PRPF6: variants seen among roughly 807,000 people sequenced by gnomAD.
PRPF6 encodes the protein pre-mRNA processing factor 6.
A neutral mutation model predicts 118.3 loss-of-function variants in PRPF6; 42 were observed. The ratio of observed to expected loss-of-function variants is 0.35; its 90% CI spans 0.28 to 0.46. PRPF6 has a LOEUF of 0.46. PRPF6 is among the 20% of genes least tolerant of loss of function. PRPF6 has a pLI of 1.00. For missense variants in PRPF6, 662 were observed against 1,255.7 expected (o/e 0.53, Z 7.15); for synonymous variants, 481 against 485.1 (o/e 0.99, Z 0.11).
rs927372796 is a variant in PRPF6 at position 64,027,357 on chromosome 20, A to G, written c.2205+199A>G. Among the ~76,000 whole-genome samples the G allele has an allele frequency of 1.3e-5, 2 of 152,144 alleles. No homozygotes were observed. Among genetic ancestry groups the G allele is most frequent in the South Asian group, 2.1e-4 (1 of 4,838 alleles). On this transcript the variant is annotated intron_variant, in intron 16 of 20. Coordinates refer to ENST00000266079, the MANE Select transcript of PRPF6 (RefSeq NM_012469.4). This position sits in a 1 kb window ranked among gnomAD's most constrained non-coding sequence, Gnocchi z 6.5. ...CTTTTCCTTATATGAAGCTGCACAC[A>G]CTGCTCAGAAGTGCAGAGTGTGGCA...
At chr20:63,990,453 G>A (rs1277159387) in intron 3 of PRPF6, among the ~76,000 whole-genome samples, 2 of 151,544 alleles carry the variant, frequency 1.3e-5, no homozygotes, top group Non-Finnish European at 2.9e-5. Context: ...GTAATTAAAC[G>A]TGAATGGCAT....
intron 12 of PRPF6, among the ~76,000 whole-genome samples, chr20:64,018,878 G>C (rs574508744): frequency 2.6e-5 from 4 of 152,190 alleles, no homozygotes; most frequent in Admixed American, 2.6e-4. Flanking sequence ...CTTCCATCTG[G>C]ATTGGTCAAT....
rs571188370 is a variant in PRPF6 at position 64,029,174 on chromosome 20, G to T, written c.2432-203G>T. The stretch of plus-strand genomic sequence containing the variant: ...AGAGTGAGACTCTGCAGGGTGTCCA[G>T]TCTGTGCCCTCAGGGCTGCCATGGT... On this transcript the variant is annotated intron_variant, in intron 18 of 20. Coordinates refer to ENST00000266079, the MANE Select transcript of PRPF6 (RefSeq NM_012469.4). The surrounding 1 kb of genome is among the most constrained non-coding windows in gnomAD (Gnocchi z 4.8). Among the ~76,000 whole-genome samples, 1 of 152,308 alleles carries T rather than the reference G, an allele frequency of 6.6e-6. No individual in the cohort carries two copies. The highest frequency in any genetic ancestry group is 1.9e-4 in the East Asian group (1 of 5,168).
At position 64,026,323 on chromosome 20, in the gene PRPF6, A is replaced by G. The variant is rs567815251; in HGVS notation, c.2028+265A>G. 6.7e-6 allele frequency among the ~76,000 whole-genome samples: 1 copy of G among 149,206 alleles called. No individual in the cohort carries two copies. The highest frequency in any genetic ancestry group is 2.0e-4 in the East Asian group (1 of 4,954). On this transcript the variant is annotated intron_variant, in intron 15 of 20. Coordinates refer to ENST00000266079, the MANE Select transcript of PRPF6 (RefSeq NM_012469.4). The surrounding 1 kb of genome is among the most constrained non-coding windows in gnomAD (Gnocchi z 4.4). ...GGAGTTTGAGACCAGCCTGACCAAC[A>G]TGGAGAAACCCCGTCTCTACTAAAA... is the stretch of plus-strand genomic sequence containing the variant.
chr20:64,004,866 T>C (rs993453029), intron 9 of PRPF6, among the ~76,000 whole-genome samples: 3 of 152,148 alleles, frequency 2.0e-5, no homozygotes, highest in Non-Finnish European at 4.4e-5. Context: ...AGTGGAGTTA[T>C]TTTACACTAA....
chr20:64,014,352 A>G (rs1189698386), intron 11 of PRPF6, among the ~76,000 whole-genome samples: 3 of 152,256 alleles, frequency 2.0e-5, no homozygotes, highest in South Asian at 4.1e-4. Flanking sequence ...TGAAAATATC[A>G]TAAGTCTAAA....
At chr20:64,021,046 C>G (rs1472669514) in intron 12 of PRPF6, among the ~76,000 whole-genome samples, 1 of 152,242 alleles carries the variant, frequency 6.6e-6, no homozygotes, top group Non-Finnish European at 1.5e-5. Context: ...CTTGGCCTCC[C>G]AGGGTGCTGG....
chr20:64,027,503 G>T lies in PRPF6; in HGVS notation c.2206-100G>T. 1 of 1,543,316 alleles carries T rather than the reference G, an allele frequency of 6.5e-7. No homozygotes were observed. The highest frequency in any genetic ancestry group is 1.1e-5 in the South Asian group (1 of 89,214). On this transcript the variant is annotated intron_variant, in intron 16 of 20. Transcript: ENST00000266079. The surrounding 1 kb of genome is among the most constrained non-coding windows in gnomAD (Gnocchi z 6.5). ...GTTTTTCCATGGACATGGCAGCCCT[G>T]AGGGACTCGGTCACCCACTGCAGAT...
chr20:63,997,649 G>GT (rs1379039347), intron 6 of PRPF6, among the ~76,000 whole-genome samples: 1 of 151,986 alleles, frequency 6.6e-6, no homozygotes, highest in African/African-American at 2.4e-5. Context: ...TAGAGACGGG[G>GT]TTTCATCATG....
At chr20:64,008,153 C>T (rs974837794) in intron 9 of PRPF6, among the ~76,000 whole-genome samples, 3 of 152,154 alleles carry the variant, frequency 2.0e-5, no homozygotes, top group African/African-American at 4.8e-5. Flanking sequence ...AGTACCTGCA[C>T]GGGCACATGC....
At chr20:64,004,754 G>A (rs556577734) in intron 9 of PRPF6, among the ~76,000 whole-genome samples, 1 of 152,314 alleles carries the variant, frequency 6.6e-6, no homozygotes, top group African/African-American at 2.4e-5. Context: ...CCAGGGTGGG[G>A]TGTCCCACGT....
At position 64,011,517 on chromosome 20, in the gene PRPF6, G is replaced by A. The variant is rs1256171269; in HGVS notation, c.1524+14G>A. On this transcript the variant is annotated intron_variant, in intron 11 of 20. Transcript: ENST00000266079. This position sits in a 1 kb window ranked among gnomAD's most constrained non-coding sequence, Gnocchi z 6.7. ...CAGTGGATCCAGGTGGGCCGCAGGC[G>A]GGTGTCGTGGTGTCTGCTTTAACAG... 3.7e-6 allele frequency: 6 copies of A among 1,606,476 alleles called. No homozygotes were observed. Among genetic ancestry groups the A allele is most frequent in the Admixed American group, 3.4e-5 (2 of 58,916 alleles).
chr20:64,001,690 C>T (rs1207245991), intron 9 of PRPF6, among the ~76,000 whole-genome samples: 4 of 152,248 alleles, frequency 2.6e-5, no homozygotes, highest in Admixed American at 2.6e-4. Flanking sequence ...TGATTGAACT[C>T]TTTCCTGCTG....
chr20:63,981,574 C>T (rs902421337), intron 1 of PRPF6, among the ~76,000 whole-genome samples: 15 of 152,096 alleles, frequency 9.9e-5, no homozygotes, highest in African/African-American at 3.6e-4. Flanking sequence ...ATACGGTCTG[C>T]AGTGAGGAGT....
chr20:63,981,643 T>TCCCCCCCCTCGGCCCCC (rs2059068204), intron 1 of PRPF6, among the ~76,000 whole-genome samples: 1 of 124,340 alleles, frequency 8.0e-6, no homozygotes, highest in Non-Finnish European at 1.7e-5. Flanking sequence ...GGGCTGACAC[T>TCCCCCCCCTCGGCCCCC]CCCCCCCCCC....
intron 12 of PRPF6, among the ~76,000 whole-genome samples, chr20:64,019,885 A>G (rs955573522): frequency 6.6e-6 from 1 of 152,084 alleles, no homozygotes; most frequent in Non-Finnish European, 1.5e-5. Context: ...CTCCTGACCC[A>G]TTTTCATGCT....
intron 13 of PRPF6, among the ~76,000 whole-genome samples, chr20:64,024,113 C>G (rs1238242817): frequency 6.6e-6 from 1 of 152,112 alleles, no homozygotes; most frequent in Admixed American, 6.5e-5. Context: ...TCAATAGTGA[C>G]CTGAAATCAC....
chr20:63,981,339 A>G (rs1056211920), intron 1 of PRPF6, 23 bp downstream of exon 1: 1 of 1,561,496 alleles, frequency 6.4e-7, no homozygotes, highest in Non-Finnish European at 8.7e-7. Flanking sequence ...GCGGCGCGCG[A>G]GGGGCGGGGA....
chr20:63,982,986 G>A lies in PRPF6; in HGVS notation c.72-61G>A, dbSNP rs373652103. On this transcript the variant is annotated intron_variant, in intron 1 of 20. Coordinates refer to ENST00000266079, the MANE Select transcript of PRPF6 (RefSeq NM_012469.4). ...AGGTGTTAGTAAGTGATAACCAGGA[G>A]TGGAGAAGAGCACAGGAACAGAGTT... The A allele has an allele frequency of 2.2e-4, 351 of 1,586,282 alleles. No individual in the cohort carries two copies. In the African/African-American group the frequency reaches 3.9e-3, roughly 18 times the overall value.
Sources: allele counts gnomAD v4.1 joint callset (sites outside exome capture counted in the v4.1 genomes callset), GRCh38; gene constraint gnomAD v4.1.1; non-coding constraint Gnocchi (gnomAD v3.1); transcripts MANE v1.5; gene names NCBI Gene and HGNC (gene_info 2026-07-23, HGNC 2026-07-21).